Variants in IL1RAPL1 observed in about 807,000 individuals in gnomAD.
IL1RAPL1 encodes interleukin-1 receptor accessory protein-like 1.
A neutral mutation model predicts 48.4 loss-of-function variants in IL1RAPL1; 3 were observed. The ratio of observed to expected loss-of-function variants is 0.06; its 90% CI spans 0.03 to 0.16. IL1RAPL1 has a LOEUF of 0.16. Ranked by LOEUF, IL1RAPL1 falls within the 10% of genes least tolerant of loss-of-function variation. The probability of loss-of-function intolerance (pLI) is 1.00; values close to 1 mark genes in which losing one functional copy is unlikely to be tolerated. For synonymous variants in IL1RAPL1, 185 were observed against 187.7 expected (o/e 0.99, Z 0.12); for missense variants, 349 against 530.6 (o/e 0.66, Z 3.36).
chrX:28,986,763 A>G (rs754038462), intron 2 of IL1RAPL1, among the ~76,000 whole-genome samples: 2 of 112,328 alleles, frequency 1.8e-5, no homozygotes, highest in Admixed American at 9.5e-5. Context: ...GAAATTTACT[A>G]AATTTTTAAT....
At position 29,306,147 on chromosome X, in the gene IL1RAPL1, G is replaced by A. The variant is rs577260518; in HGVS notation, c.362+22930G>A. Among the ~76,000 whole-genome samples, 260 of 111,942 alleles carry A rather than the reference G, an allele frequency of 2.3e-3. 1 individual carries two copies. Among genetic ancestry groups the A allele is most frequent in the South Asian group, 6.7e-3 (18 of 2,695 alleles). ...ATCCCCAGTGTCCATTACTACCTAC[G>A]TTGTAGTCTAATCTCTCATTAATTC... On this transcript the variant is annotated intron_variant, in intron 3 of 10. Coordinates refer to ENST00000378993, the MANE Select transcript of IL1RAPL1 (RefSeq NM_014271.4).
intron 1 of IL1RAPL1, among the ~76,000 whole-genome samples, chrX:28,684,967 G>A (rs1935096237): frequency 9.0e-6 from 1 of 111,573 alleles, no homozygotes; most frequent in Non-Finnish European, 1.9e-5. Flanking sequence ...TGTCTAAAAT[G>A]AGCAACAAAA....
At chrX:29,511,818 T>A (rs1203948030) in intron 5 of IL1RAPL1, among the ~76,000 whole-genome samples, 1 of 111,257 alleles carries the variant, frequency 9.0e-6, no homozygotes, top group Non-Finnish European at 1.9e-5. Flanking sequence ...GCTGGAGACC[T>A]AGCATTACAA....
At chrX:28,924,535 A>C (rs1170301454) in intron 2 of IL1RAPL1, among the ~76,000 whole-genome samples, 1 of 111,632 alleles carries the variant, frequency 9.0e-6, no homozygotes, top group Non-Finnish European at 1.9e-5. Context: ...GGTCTCATGA[A>C]ATTTTCTCAG....
chrX:29,529,679 A>G (rs1050893310), intron 5 of IL1RAPL1, among the ~76,000 whole-genome samples: 1 of 110,074 alleles, frequency 9.1e-6, no homozygotes. Flanking sequence ...GAGTTTGATC[A>G]CTGAACTGTG....
In IL1RAPL1 at chrX:29,440,656, C is replaced by T. The variant is rs11798537; in HGVS notation, c.703+41348C>T. 9.0e-3 allele frequency among the ~76,000 whole-genome samples: 1,012 copies of T among 111,948 alleles called. 10 individuals are homozygous for T. Among genetic ancestry groups the T allele is most frequent in the Non-Finnish European group, 0.016 (822 of 53,007 alleles). On this transcript the variant is annotated intron_variant, in intron 5 of 10. Transcript: ENST00000378993. ...GAGAATGACATTTGAAACACAATTA[C>T]CAAAACAAAATAAAAGCAGCTAACT...
At chrX:29,556,268 T>C (rs1057196403) in intron 5 of IL1RAPL1, among the ~76,000 whole-genome samples, 1 of 112,240 alleles carries the variant, frequency 8.9e-6, no homozygotes, top group African/African-American at 3.2e-5. Context: ...AATTTTCTCT[T>C]GAACTATATA....
intron 5 of IL1RAPL1, among the ~76,000 whole-genome samples, chrX:29,649,945 A>G (rs1180320234): frequency 1.8e-5 from 2 of 111,857 alleles, no homozygotes; most frequent in Non-Finnish European, 3.8e-5. Context: ...AATAATTAGT[A>G]ACATTTCTAT....
intron 5 of IL1RAPL1, among the ~76,000 whole-genome samples, chrX:29,462,930 A>C (rs756682259): frequency 2.1e-4 from 24 of 111,673 alleles, no homozygotes; most frequent in Non-Finnish European, 4.1e-4. Context: ...TTGACATTTA[A>C]TATTGTTTGG....
At chrX:28,620,307 A>G (rs1934271626) in intron 1 of IL1RAPL1, among the ~76,000 whole-genome samples, 1 of 112,023 alleles carries the variant, frequency 8.9e-6, no homozygotes, top group East Asian at 2.8e-4. Context: ...CTGTTAAATA[A>G]ACGTTTTCCA....
chrX:29,449,005 A>G (rs2147724907), intron 5 of IL1RAPL1, among the ~76,000 whole-genome samples: 1 of 111,262 alleles, frequency 9.0e-6, no homozygotes, highest in Non-Finnish European at 1.9e-5. Context: ...ATTATCTCCC[A>G]AAGGCCCCAC....
intron 2 of IL1RAPL1, among the ~76,000 whole-genome samples, chrX:29,264,783 T>C (rs1931923076): frequency 9.0e-6 from 1 of 111,396 alleles, no homozygotes; most frequent in Non-Finnish European, 1.9e-5. Context: ...TAGATAATCA[T>C]TGCACCACAA....
chrX:29,155,375 A>G (rs1929549461), intron 2 of IL1RAPL1, among the ~76,000 whole-genome samples: 1 of 111,848 alleles, frequency 8.9e-6, no homozygotes, highest in Admixed American at 9.5e-5. Flanking sequence ...AAATACATTG[A>G]ATGAGGCATC....
rs778575120 is a variant in IL1RAPL1 at position 29,822,748 on chromosome X, G to T, written c.779-94716G>T. Among the ~76,000 whole-genome samples the T allele has an allele frequency of 1.4e-4, 16 of 111,294 alleles. No homozygotes were observed. The South Asian group carries it at 5.6e-3, about 39-fold the overall frequency. Reference sequence around the variant, plus strand: ...TAGTGTTTAAAACATTGCTTTAAAAGCTGTTGGTATTCTGTAAATACTTGT... The same window carrying T: ...TAGTGTTTAAAACATTGCTTTAAAATCTGTTGGTATTCTGTAAATACTTGT... On this transcript the variant is annotated intron_variant, in intron 6 of 10. Coordinates refer to ENST00000378993, the MANE Select transcript of IL1RAPL1 (RefSeq NM_014271.4).
intron 2 of IL1RAPL1, among the ~76,000 whole-genome samples, chrX:28,978,457 G>A (rs897546771): frequency 1.8e-5 from 2 of 111,932 alleles, no homozygotes; most frequent in Admixed American, 9.5e-5. Context: ...GTTCTCAAAC[G>A]TTGCTACATA....
At chrX:29,010,656 G>A (rs1258260745) in intron 2 of IL1RAPL1, among the ~76,000 whole-genome samples, 5 of 111,841 alleles carry the variant, frequency 4.5e-5, no homozygotes, top group Admixed American at 9.5e-5. Flanking sequence ...GATCTAATGT[G>A]TATTCAAAAA....
chrX:29,647,087 C>A (rs928464766), intron 5 of IL1RAPL1, among the ~76,000 whole-genome samples: 14 of 112,517 alleles, frequency 1.2e-4, no homozygotes, highest in African/African-American at 4.2e-4. Context: ...TGGTGGCTCA[C>A]ACCTGTAATC....
intron 5 of IL1RAPL1, among the ~76,000 whole-genome samples, chrX:29,524,419 G>A (rs1343218905): frequency 9.0e-6 from 1 of 110,904 alleles, no homozygotes; most frequent in Non-Finnish European, 1.9e-5. Context: ...TTTATAATAT[G>A]CAATTACAGA....
chrX:29,086,813 T>C (rs903176827), intron 2 of IL1RAPL1, among the ~76,000 whole-genome samples: 3 of 112,146 alleles, frequency 2.7e-5, no homozygotes, highest in African/African-American at 9.7e-5. Flanking sequence ...ATAGCTATGC[T>C]GAAATATTTG....
Sources: gnomAD v4.1 joint callset for allele counts (sites outside exome capture counted in the v4.1 genomes callset) on GRCh38, gnomAD v4.1.1 for gene constraint, MANE v1.5 for transcripts, NCBI Gene and HGNC (gene_info 2026-07-23, HGNC 2026-07-21) for gene names.